Variants in WWC2 observed in about 807,000 individuals in gnomAD.
WWC2 encodes protein WWC2.
Under a neutral mutation model 138.5 loss-of-function variants are expected in WWC2, and 101 were observed. The ratio of observed to expected loss-of-function variants is 0.73; its 90% CI spans 0.62 to 0.86. WWC2 has a LOEUF of 0.86. Ranked by LOEUF, WWC2 falls within the 40% of genes least tolerant of loss-of-function variation. WWC2 has a pLI of 0.00. For missense variants in WWC2, 1,420 were observed against 1,419.4 expected, an observed-to-expected ratio of 1.00 and a Z score of -0.01; for synonymous variants, 558 against 538.4, an observed-to-expected ratio of 1.04 and a Z score of -0.50.
chr4:183,193,217 T>C (rs1179289173), intron 1 of WWC2, among the ~76,000 whole-genome samples: 1 of 152,226 alleles, frequency 6.6e-6, no homozygotes, highest in Non-Finnish European at 1.5e-5. Context: ...GGATCTTGTC[T>C]CCATGCTACT....
At chr4:183,099,747 TG>T (rs1270293272) in intron 1 of WWC2, 125 bp downstream of exon 1, 20 of 989,080 alleles carry the variant, frequency 2.0e-5, no homozygotes, top group Non-Finnish European at 2.4e-5. Context: ...GGGAGGGATG[TG>T]GGGCTGGCTG....
At chr4:183,289,867 C>T (rs1289276339) in intron 21 of WWC2, among the ~76,000 whole-genome samples, 3 of 146,646 alleles carry the variant, frequency 2.0e-5, no homozygotes, top group African/African-American at 5.2e-5. Flanking sequence ...AGGGGATGGG[C>T]GTGGCCAGTA....
chr4:183,304,466 CAGAG>C (rs1350435111), intron 21 of WWC2, among the ~76,000 whole-genome samples: 1 of 152,112 alleles, frequency 6.6e-6, no homozygotes, highest in East Asian at 1.9e-4. Flanking sequence ...CTGATTCTGA[CAGAG>C]GGAGGAAAAA....
chr4:183,248,844 C>T lies in WWC2; in HGVS notation c.863C>T (p.Thr288Ile). Residue 288 changes from threonine (T) to isoleucine (I), a missense_variant, in exon 7 of 23, where the codon ACA (threonine) becomes ATA (isoleucine). Thr to Ile is a moderately conservative substitution (Grantham distance 89, BLOSUM62 -1). Coordinates refer to ENST00000403733, the MANE Select transcript of WWC2 (RefSeq NM_024949.6). ...SRQTLDAGSQ[T>I]SISGDIGVRS... ...CAGACCCTTGATGCTGGGTCACAAA[C>T]AAGCATTTCCGGAGATGTAAGTTAT... 6.3e-7 allele frequency: 1 copy of T among 1,597,902 alleles called. No individual in the cohort carries two copies. Among genetic ancestry groups the T allele is most frequent in the Non-Finnish European group, 8.5e-7 (1 of 1,170,552 alleles).
At position 183,253,868 on chromosome 4, in the gene WWC2, GA is replaced by G. The variant is rs754025628; in HGVS notation, c.1068del (p.Glu357SerfsTer15). The part of the protein sequence containing the change: ...MLINEKEELL[K>X]ELQFVTPQKR... ...TGATTAATGAAAAAGAAGAACTTTT[GA>G]AAGAGCTTCAGTTCGTCACCCCACA... On this transcript the variant is annotated frameshift_variant, in exon 9 of 23. Transcript: ENST00000403733. LOFTEE classifies it high-confidence loss of function. 1 of 1,613,662 alleles carries G rather than the reference GA, an allele frequency of 6.2e-7. No homozygotes were observed. The highest frequency in any genetic ancestry group is 1.3e-5 in the African/African-American group (1 of 74,884).
At chr4:183,250,936 C>A (rs917423537) in intron 8 of WWC2, among the ~76,000 whole-genome samples, 13 of 152,110 alleles carry the variant, frequency 8.5e-5, no homozygotes, top group African/African-American at 3.1e-4. Flanking sequence ...GGTTATCAGG[C>A]TTTAACAAAG....
rs1033069622 is a variant in WWC2, at chr4:183,173,511, G to A, written c.132-20088G>A. Among the ~76,000 whole-genome samples the A allele has an allele frequency of 5.3e-5, 8 of 152,024 alleles. No individual in the cohort carries two copies. The South Asian group carries it at 8.3e-4, about 16-fold the overall frequency. ...GGGGACTAGTATTCTTAGCTTTTGCGTTTGAGATAAGTAATACCAACCATT... is the reference window on the plus strand; with the variant it reads ...GGGGACTAGTATTCTTAGCTTTTGCATTTGAGATAAGTAATACCAACCATT... On this transcript the variant is annotated intron_variant, in intron 1 of 22. Transcript: ENST00000403733.
At chr4:183,167,112 G>A in intron 1 of WWC2, among the ~76,000 whole-genome samples, 1 of 152,172 alleles carries the variant, frequency 6.6e-6, no homozygotes, top group Non-Finnish European at 1.5e-5. Flanking sequence ...CATCTCTGAG[G>A]AACACAGAAT....
chr4:183,132,477 G>A (rs1358596489), intron 1 of WWC2, among the ~76,000 whole-genome samples: 2 of 148,354 alleles, frequency 1.3e-5, no homozygotes, highest in Non-Finnish European at 3.0e-5. Flanking sequence ...TTTTTGAGAC[G>A]GAGTCTCGCT....
intron 14 of WWC2, among the ~76,000 whole-genome samples, chr4:183,266,921 G>A (rs1395940414): frequency 6.6e-6 from 1 of 152,070 alleles, no homozygotes; most frequent in Admixed American, 6.5e-5. Context: ...TTGCTTGTAA[G>A]TTCACCTCCT....
chr4:183,186,903 A>G (rs892108094), intron 1 of WWC2, among the ~76,000 whole-genome samples: 1 of 152,208 alleles, frequency 6.6e-6, no homozygotes, highest in Non-Finnish European at 1.5e-5. Flanking sequence ...GGACCCAAGC[A>G]GGTGCAGACA....
At chr4:183,197,666 A>G (rs916709984) in intron 2 of WWC2, among the ~76,000 whole-genome samples, 5 of 152,312 alleles carry the variant, frequency 3.3e-5, no homozygotes, top group East Asian at 3.9e-4. Flanking sequence ...GGTATGGTTT[A>G]TAAGGTTTTG....
At chr4:183,136,879 C>T (rs566751003) in intron 1 of WWC2, among the ~76,000 whole-genome samples, 13 of 152,278 alleles carry the variant, frequency 8.5e-5, no homozygotes, top group Middle Eastern at 3.4e-3. Context: ...GATGTTATAG[C>T]CTATTAGGCC....
At chr4:183,255,111 T>C (rs946201593) in intron 9 of WWC2, among the ~76,000 whole-genome samples, 7 of 152,224 alleles carry the variant, frequency 4.6e-5, no homozygotes, top group Non-Finnish European at 1.0e-4. Context: ...CTCAGTGTCA[T>C]AGCTGTAGGG....
chr4:183,142,352 A>C (rs1733328102), intron 1 of WWC2, among the ~76,000 whole-genome samples: 1 of 152,214 alleles, frequency 6.6e-6, no homozygotes, highest in African/African-American at 2.4e-5. Context: ...TTTGAGGCTA[A>C]GTTGTTACAG....
At chr4:183,287,768 G>A (rs1395219089) in intron 20 of WWC2, among the ~76,000 whole-genome samples, 1 of 152,168 alleles carries the variant, frequency 6.6e-6, no homozygotes, top group Non-Finnish European at 1.5e-5. Context: ...GAGGGGTACC[G>A]ACCGGCAGAG....
intron 5 of WWC2, 108 bp from the exon 6 acceptor site, chr4:183,245,308 A>T: frequency 1.1e-6 from 1 of 906,074 alleles, no homozygotes; most frequent in Non-Finnish European, 1.5e-6. Flanking sequence ...GACAGTCAGC[A>T]GTGAAATAAT....
chr4:183,283,712 G>C (rs1560885902), intron 18 of WWC2, among the ~76,000 whole-genome samples: 1 of 152,070 alleles, frequency 6.6e-6, no homozygotes, highest in East Asian at 1.9e-4. Context: ...ATACAACTCA[G>C]CTTCACAACA....
At chr4:183,155,713 T>G (rs745541721) in intron 1 of WWC2, among the ~76,000 whole-genome samples, 1 of 152,214 alleles carries the variant, frequency 6.6e-6, no homozygotes, top group Non-Finnish European at 1.5e-5. Context: ...AGATGTACTT[T>G]AAGAAAATGT....
Sources: gnomAD v4.1 joint callset for allele counts (sites outside exome capture counted in the v4.1 genomes callset) on GRCh38, gnomAD v4.1.1 for gene constraint, MANE v1.5 for transcripts, NCBI Gene and HGNC (gene_info 2026-07-23, HGNC 2026-07-21) for gene names.